CEP104: variants seen among roughly 807,000 people sequenced by gnomAD.
CEP104 encodes the protein centrosomal protein of 104 kDa.
A neutral mutation model predicts 113.3 loss-of-function variants in CEP104; 84 were observed. That is an observed-to-expected ratio of 0.74 (90% CI 0.62 to 0.89). CEP104 has a LOEUF of 0.89. Ranked by LOEUF, CEP104 falls within the 40% of genes least tolerant of loss-of-function variation. The probability of loss-of-function intolerance (pLI) is 0.00; values close to 1 mark genes in which losing one functional copy is unlikely to be tolerated. For synonymous variants in CEP104, 378 were observed against 421.7 expected (o/e 0.90, Z 1.27); for missense variants, 1,053 against 1,156.6 (o/e 0.91, Z 1.30).
intron 2 of CEP104, among the ~76,000 whole-genome samples, chr1:3,849,116 G>A (rs1246346117): frequency 6.6e-6 from 1 of 152,078 alleles, no homozygotes; most frequent in Non-Finnish European, 1.5e-5. Flanking sequence ...GGGCAGGACG[G>A]AGCCAAAGGA....
intron 6 of CEP104, among the ~76,000 whole-genome samples, chr1:3,842,769 A>G (rs3765773): frequency 0.3 from 46,327 of 152,104 alleles, 8,283 homozygotes; most frequent in African/African-American, 0.49. Context: ...GATTATTTGG[A>G]ATTCCTCTTT....
At chr1:3,848,439 G>A (rs1644548421) in intron 3 of CEP104, among the ~76,000 whole-genome samples, 169 bp downstream of exon 3, 1 of 150,160 alleles carries the variant, frequency 6.7e-6, no homozygotes, top group African/African-American at 2.4e-5. Flanking sequence ...GGCTGAGGCA[G>A]GAGAATGGCG....
intron 15 of CEP104, among the ~76,000 whole-genome samples, chr1:3,827,650 A>G (rs971904613): frequency 2.0e-5 from 3 of 152,250 alleles, no homozygotes; most frequent in Non-Finnish European, 4.4e-5. Flanking sequence ...TGAAAATGGT[A>G]AGATTTACAC....
chr1:3,837,260 A>G lies in CEP104; in HGVS notation c.1119+32T>C, dbSNP rs148803716. 2.1e-4 allele frequency: 321 copies of G among 1,555,684 alleles called. 3 individuals carry two copies. The East Asian group carries it at 7.3e-3, about 35-fold the overall frequency. On this transcript the variant is annotated intron_variant, in intron 9 of 21. Coordinates refer to ENST00000378230, the MANE Select transcript of CEP104 (RefSeq NM_014704.4). ...ATGTCCTTTACAAATACCCAAATAAATTGAACGCCAATCTGAAACAGAATT... is the reference window on the plus strand; with the variant it reads ...ATGTCCTTTACAAATACCCAAATAAGTTGAACGCCAATCTGAAACAGAATT...
intron 12 of CEP104, among the ~76,000 whole-genome samples, chr1:3,833,043 G>A (rs995416808): frequency 3.8e-4 from 57 of 148,910 alleles, no homozygotes; most frequent in Non-Finnish European, 6.4e-4. Flanking sequence ...GGAGTGCAGT[G>A]GCGTGATCTC....
chr1:3,845,327 T>C lies in CEP104; in HGVS notation c.451A>G (p.Ile151Val), dbSNP rs1303246953. 1 of 1,609,092 alleles carries C rather than the reference T, an allele frequency of 6.2e-7. No homozygotes were observed. Among genetic ancestry groups the C allele is most frequent in the Non-Finnish European group, 8.5e-7 (1 of 1,176,278 alleles). ...TCACTGAAATCTGCAGGGTCTCCAA[T>C]GATATTTATGGCAACCAAAGCAACC... ...NQVALVAINI[I>V]GDPADFSDES... Residue 151 changes from isoleucine (I) to valine (V), a missense_variant, in exon 5 of 22, where the codon ATT becomes GTT. By Grantham distance (29) the Ile-to-Val change is conservative (BLOSUM62 3). Transcript: ENST00000378230.
intron 15 of CEP104, 152 bp downstream of exon 15, chr1:3,829,114 C>A (rs1644148948): frequency 7.3e-6 from 4 of 544,682 alleles, no homozygotes; most frequent in East Asian, 3.4e-5. Flanking sequence ...GGGCTTCTGT[C>A]ATCCACCCCA....
intron 2 of CEP104, among the ~76,000 whole-genome samples, chr1:3,852,000 C>A (rs532518461): frequency 2.6e-5 from 4 of 152,146 alleles, no homozygotes; most frequent in African/African-American, 9.7e-5. Context: ...TGCAGCCCAG[C>A]GTGTGATCAG....
intron 10 of CEP104, among the ~76,000 whole-genome samples, chr1:3,835,317 A>G (rs1190352277): frequency 6.6e-6 from 1 of 152,244 alleles, no homozygotes; most frequent in African/African-American, 2.4e-5. Context: ...GTTAAAATAT[A>G]AAAAGTATTA....
chr1:3,837,355 AATAGTT>A lies in CEP104; in HGVS notation c.1050_1055del (p.Thr351_Ile352del). On this transcript the variant is annotated inframe_deletion, in exon 9 of 22. Coordinates refer to ENST00000378230, the MANE Select transcript of CEP104 (RefSeq NM_014704.4). ...GGTCTACTGCAGAATGCTGAGGAGA[AATAGTT>A]AGAGAATATGATGAAGGCTTTTCCT... 6.2e-7 allele frequency: 1 copy of A among 1,614,184 alleles called. No individual in the cohort carries two copies.
In CEP104 at chr1:3,831,338, G is replaced by A. The variant is rs539355808; in HGVS notation, c.1660-116C>T. The A allele has an allele frequency of 1.3e-4, 109 of 854,622 alleles. No individual in the cohort carries two copies. The East Asian group carries it at 2.6e-3, about 20-fold the overall frequency. The allele number at this position is 854,622 out of a possible 1,614,324, so 52.9% of individuals were successfully genotyped here. A position where few individuals can be genotyped will look rare whatever the true frequency, so the allele number is the denominator to read the frequency against. On this transcript the variant is annotated intron_variant, in intron 12 of 21. Transcript: ENST00000378230. ...AGGGAAAAACAGGGAAATACAGATT[G>A]ATAGTGACAAGGAGCAATGAGAGCA...
chr1:3,855,480 C>A (rs1644701157), intron 1 of CEP104, among the ~76,000 whole-genome samples: 1 of 152,020 alleles, frequency 6.6e-6, no homozygotes, highest in Non-Finnish European at 1.5e-5. Context: ...GTCTCTGAAC[C>A]TAACCAACAC....
At chr1:3,847,887 T>G (rs1469746671) in intron 3 of CEP104, among the ~76,000 whole-genome samples, 2 of 152,072 alleles carry the variant, frequency 1.3e-5, no homozygotes, top group Non-Finnish European at 2.9e-5. Context: ...CAGGCTGGAG[T>G]GCAGTGGCGC....
intron 1 of CEP104, among the ~76,000 whole-genome samples, chr1:3,856,274 C>G (rs1304759384): frequency 1.3e-5 from 2 of 152,036 alleles, no homozygotes; most frequent in Non-Finnish European, 2.9e-5. Flanking sequence ...TCGGGCTACT[C>G]GGGAGGCTGA....
chr1:3,833,086 T>G (rs2124664800), intron 12 of CEP104, among the ~76,000 whole-genome samples: 1 of 151,198 alleles, frequency 6.6e-6, no homozygotes, highest in South Asian at 2.1e-4. Flanking sequence ...CCGGGTTCGA[T>G]TCTCCTGCCT....
intron 20 of CEP104, among the ~76,000 whole-genome samples, chr1:3,818,254 G>C (rs1255734915): frequency 6.6e-6 from 1 of 152,172 alleles, no homozygotes; most frequent in Non-Finnish European, 1.5e-5. Context: ...CTTTAGAAGA[G>C]TGCTCCCAGT....
At chr1:3,841,642 T>C (rs764200071) in intron 6 of CEP104, among the ~76,000 whole-genome samples, 1 of 152,188 alleles carries the variant, frequency 6.6e-6, no homozygotes, top group Non-Finnish European at 1.5e-5. Context: ...CCAGCGGCAA[T>C]GACCGGATTC....
At chr1:3,853,437 T>G (rs1463758980) in intron 1 of CEP104, among the ~76,000 whole-genome samples, 1 of 151,378 alleles carries the variant, frequency 6.6e-6, no homozygotes, top group African/African-American at 2.4e-5. Context: ...TAAACCAGGA[T>G]AAAGAAGACT....
Position 3,823,213 on chromosome 1 carries a change from C to T in CEP104, c.2532G>A (p.Arg844=), listed in dbSNP as rs749948102. The T allele has an allele frequency of 3.1e-6, 5 of 1,614,212 alleles. No individual in the cohort carries two copies. The South Asian group carries it at 5.5e-5, about 18-fold the overall frequency. Residue 844 remains arginine (R), a synonymous_variant, in exon 20 of 22, where the codon CGG becomes CGA. Coordinates refer to ENST00000378230, the MANE Select transcript of CEP104 (RefSeq NM_014704.4). The surrounding 1 kb of genome is among the most constrained non-coding windows in gnomAD (Gnocchi z 4.1). ...TGAAGTTCTCATGACACAGGGGACA[C>T]CGGTTTGCCAGCTTCTCCGGTTTGG... ...NPAKPEKLAN[R]CPLCHENFSP...
Sources: gnomAD v4.1 joint callset for allele counts (sites outside exome capture counted in the v4.1 genomes callset) on GRCh38, gnomAD v4.1.1 for gene constraint, Gnocchi (gnomAD v3.1) non-coding constraint, MANE v1.5 for transcripts, NCBI Gene and HGNC (gene_info 2026-07-23, HGNC 2026-07-21) for gene names.